The following PPARG variants were observed in gnomAD, a reference collection of about 807,000 sequenced individuals.
PPARG encodes peroxisome proliferator-activated receptor gamma.
PPARG carries 17 observed loss-of-function variants against 39.2 expected under a neutral mutation model. The ratio of observed to expected loss-of-function variants is 0.43; its 90% CI spans 0.30 to 0.65. The LOEUF is 0.65. Ranked by LOEUF, PPARG falls within the 30% of genes least tolerant of loss-of-function variation. The pLI is 0.13. For missense variants in PPARG, 406 were observed against 585.9 expected (o/e 0.69, Z 3.17); for synonymous variants, 223 against 215.7 (o/e 1.03, Z -0.30).
At chr3:12,311,931 C>T (rs369053185) in intron 1 of PPARG, among the ~76,000 whole-genome samples, 26 of 152,258 alleles carry the variant, frequency 1.7e-4, no homozygotes, top group Admixed American at 5.2e-4. Flanking sequence ...TTATATTTTA[C>T]TAAGGATCGT....
At chr3:12,430,872 A>G (rs1559539275) in intron 7 of PPARG, among the ~76,000 whole-genome samples, 2 of 152,342 alleles carry the variant, frequency 1.3e-5, no homozygotes, top group East Asian at 1.9e-4. Context: ...GAATAAGTGC[A>G]GAGTCCTGAC....
At chr3:12,355,597 T>G (rs1239069310) in intron 2 of PPARG, among the ~76,000 whole-genome samples, 1 of 152,202 alleles carries the variant, frequency 6.6e-6, no homozygotes, top group African/African-American at 2.4e-5. Flanking sequence ...CTTGGCAGAT[T>G]TTGTAGATTT....
chr3:12,338,593 G>A (rs2048084600), intron 2 of PPARG, among the ~76,000 whole-genome samples: 1 of 152,114 alleles, frequency 6.6e-6, no homozygotes, highest in Non-Finnish European at 1.5e-5. Context: ...AAGTTGTAAA[G>A]CCCTTAACAT....
At chr3:12,400,042 A>G (rs1388967093) in intron 5 of PPARG, among the ~76,000 whole-genome samples, 1 of 152,116 alleles carries the variant, frequency 6.6e-6, no homozygotes, top group Non-Finnish European at 1.5e-5. Context: ...GCAATAGCAC[A>G]TGTTCTTGTT....
At chr3:12,308,155 A>G (rs2047124158) in intron 1 of PPARG, among the ~76,000 whole-genome samples, 1 of 151,860 alleles carries the variant, frequency 6.6e-6, no homozygotes, top group African/African-American at 2.4e-5. Flanking sequence ...ATCAGCATGG[A>G]CAACATAAGG....
At chr3:12,359,636 A>T (rs2048773773) in intron 2 of PPARG, among the ~76,000 whole-genome samples, 1 of 151,950 alleles carries the variant, frequency 6.6e-6, no homozygotes, top group Non-Finnish European at 1.5e-5. Flanking sequence ...ATCAGTTCTA[A>T]AGCAAAAACA....
intron 5 of PPARG, among the ~76,000 whole-genome samples, chr3:12,403,403 G>T (rs1159610437): frequency 2.0e-5 from 3 of 151,940 alleles, no homozygotes; most frequent in African/African-American, 7.3e-5. Context: ...AGGCTAAAGT[G>T]TAGTGGCTCT....
intron 1 of PPARG, among the ~76,000 whole-genome samples, chr3:12,300,947 G>A (rs543216708): frequency 2.6e-5 from 4 of 152,250 alleles, no homozygotes; most frequent in African/African-American, 7.2e-5. Flanking sequence ...GGACAAGTGT[G>A]TGCTTTTTCA....
intron 2 of PPARG, among the ~76,000 whole-genome samples, chr3:12,314,780 T>C (rs2047343887): frequency 6.6e-6 from 1 of 152,196 alleles, no homozygotes; most frequent in Non-Finnish European, 1.5e-5. Context: ...CAAATAGTTA[T>C]AGTATTGTGC....
In PPARG at chr3:12,310,573, C is replaced by T. The variant is rs1398785804; in HGVS notation, c.-82-1807C>T. ...CCGCCTCCTGGGTTCACGCCATTCTCCTGCCTCAGCCTCCCAAGTAGCTGG... is the reference window on the plus strand; with the variant it reads ...CCGCCTCCTGGGTTCACGCCATTCTTCTGCCTCAGCCTCCCAAGTAGCTGG... On this transcript the variant is annotated intron_variant, in intron 1 of 7. Transcript: ENST00000651735. 7.0e-5 allele frequency among the ~76,000 whole-genome samples: 7 copies of T among 99,828 alleles called. 1 individual carries two copies. In the East Asian group the frequency reaches 2.1e-3, roughly 29 times the overall value. 65.5% of individuals were successfully genotyped at this position (99,828 alleles called of 152,430 possible). A position where few individuals can be genotyped will look rare whatever the true frequency, so the allele number is the denominator to read the frequency against.
At chr3:12,304,400 T>C (rs1337074691) in intron 1 of PPARG, among the ~76,000 whole-genome samples, 1 of 152,230 alleles carries the variant, frequency 6.6e-6, no homozygotes, top group Non-Finnish European at 1.5e-5. Context: ...CTTTAGAGGA[T>C]GTGGAGGACG....
chr3:12,311,057 C>T (rs1405041508), intron 1 of PPARG, among the ~76,000 whole-genome samples: 2 of 152,066 alleles, frequency 1.3e-5, no homozygotes, highest in African/African-American at 4.8e-5. Context: ...ATGTCCCATT[C>T]TGAAAAGAAA....
Position 12,379,950 on chromosome 3 carries a change from C to G in PPARG, c.220+19C>G, listed in dbSNP as rs748734166. 1.9e-6 allele frequency: 3 copies of G among 1,555,410 alleles called. No homozygotes were observed. Among genetic ancestry groups the G allele is most frequent in the Non-Finnish European group, 2.7e-6 (3 of 1,126,774 alleles). The stretch of plus-strand genomic sequence containing the variant: ...TACCAAAGTATGATGTTTATTTTCA[C>G]TTTTCAGACTACTAGGACTAGAATT... On this transcript the variant is annotated intron_variant, in intron 3 of 7. Transcript: ENST00000651735.
intron 2 of PPARG, among the ~76,000 whole-genome samples, chr3:12,365,578 T>C (rs1340244934): frequency 6.6e-6 from 1 of 151,684 alleles, no homozygotes; most frequent in Non-Finnish European, 1.5e-5. Flanking sequence ...TGTGTCTAAA[T>C]TATTATTATT....
chr3:12,294,808 G>C (rs1055639452), intron 1 of PPARG, among the ~76,000 whole-genome samples: 1 of 152,108 alleles, frequency 6.6e-6, no homozygotes, highest in Non-Finnish European at 1.5e-5. Context: ...CAGGAGAATC[G>C]GTTGAACCCG....
intron 2 of PPARG, among the ~76,000 whole-genome samples, chr3:12,346,369 A>C (rs1430365933): frequency 6.6e-6 from 1 of 152,228 alleles, no homozygotes. Flanking sequence ...AATTTTAAAT[A>C]AATGAATTAC....
At chr3:12,335,298 C>T (rs1413054199) in intron 2 of PPARG, among the ~76,000 whole-genome samples, 4 of 152,164 alleles carry the variant, frequency 2.6e-5, no homozygotes, top group Non-Finnish European at 5.9e-5. Flanking sequence ...TTAAGACTTC[C>T]AAAGTGTTCA....
At chr3:12,382,594 C>T (rs2049717536) in intron 4 of PPARG, among the ~76,000 whole-genome samples, 1 of 152,154 alleles carries the variant, frequency 6.6e-6, no homozygotes, top group Non-Finnish European at 1.5e-5. Context: ...TTATTGAATT[C>T]TTACTACATG....
At chr3:12,294,583 G>C (rs2046730219) in intron 1 of PPARG, among the ~76,000 whole-genome samples, 1 of 152,132 alleles carries the variant, frequency 6.6e-6, no homozygotes, top group Admixed American at 6.6e-5. Context: ...TCCTTTGGCA[G>C]ATCCACAGAT....
Sources: allele counts gnomAD v4.1 joint callset (sites outside exome capture counted in the v4.1 genomes callset), GRCh38; gene constraint gnomAD v4.1.1; transcripts MANE v1.5; gene names NCBI Gene and HGNC (gene_info 2026-07-23, HGNC 2026-07-21).